CLDN15: variants seen among roughly 807,000 people sequenced by gnomAD.
CLDN15 encodes claudin 15.
In CLDN15, 9 loss-of-function variants were observed where a neutral mutation model predicts 24.5. The ratio of observed to expected loss-of-function variants is 0.37; its 90% CI spans 0.22 to 0.64. The LOEUF (loss-of-function observed/expected upper bound fraction) is 0.64. CLDN15 is among the 30% of genes least tolerant of loss of function. CLDN15 has a pLI of 0.63. For missense variants in CLDN15, 248 were observed against 305.9 expected (o/e 0.81, Z 1.41); for synonymous variants, 149 against 131.4 (o/e 1.13, Z -0.92).
At chr7:101,236,611 G>T in intron 1 of CLDN15, 2 of 561,696 alleles carry the variant, frequency 3.6e-6, no homozygotes, top group Non-Finnish European at 5.6e-6. Context: ...AGAAACAATG[G>T]GGCGGCCTCA....
In CLDN15 at chr7:101,232,875, T is replaced by G; in HGVS notation, c.422A>C (p.Asn141Thr). 7.4e-6 allele frequency: 12 copies of G among 1,613,352 alleles called. No individual in the cohort carries two copies. The highest frequency in any genetic ancestry group is 1.0e-5 in the Non-Finnish European group (12 of 1,179,840). Residue 141 changes from asparagine to threonine, a missense_variant, in exon 3 of 5, where the codon AAC (asparagine) becomes ACC (threonine). Asn to Thr is a moderately conservative substitution (Grantham distance 65, BLOSUM62 0). Transcript: ENST00000308344. ...GGGGTCGAAGAAGTCCCGGGTGATG[T>G]TGAAGGCGTACCAGGAGATGGCCAC... The part of the protein sequence containing the change: ...GMVAISWYAF[N>T]ITRDFFDPLY...
chr7:101,234,359 G>A lies in CLDN15; in HGVS notation c.301C>T (p.Arg101Cys), dbSNP rs1327154370. 3.1e-6 allele frequency: 5 copies of A among 1,612,080 alleles called. No homozygotes were observed. The highest frequency in any genetic ancestry group is 1.3e-5 in the African/African-American group (1 of 74,956). The change falls in exon 2 of 5, where the codon CGC (arginine) becomes TGC (cysteine). Residue 101 changes from arginine (R) to cysteine (C), a missense_variant. By Grantham distance (180) the Arg-to-Cys change is radical. Transcript: ENST00000308344. ...LGLLLGIAGL[R>C]CTNIGGLELS... The stretch of plus-strand genomic sequence containing the variant: ...TCCAGGCCCCCAATGTTGGTGCAGC[G>A]CAGGCCCGCTATGCCTAGCAAGAGG...
chr7:101,232,800 C>T (rs1316752472), intron 3 of CLDN15, 33 bp downstream of exon 3: 77 of 1,588,470 alleles, frequency 4.8e-5, no homozygotes, highest in Non-Finnish European at 6.3e-5. Flanking sequence ...CCCGCTGCCC[C>T]GAGGGCGGGG....
chr7:101,233,392 C>A (rs1235058929), intron 2 of CLDN15, among the ~76,000 whole-genome samples: 1 of 152,188 alleles, frequency 6.6e-6, no homozygotes, highest in Non-Finnish European at 1.5e-5. Flanking sequence ...CTCTTGCAAG[C>A]CACCTGACCT....
rs568002600 is a variant in CLDN15, at chr7:101,232,731, G to A, written c.465-11C>T. On this transcript the variant is annotated splice_polypyrimidine_tract_variant and intron_variant, in intron 3 of 4. Transcript: ENST00000308344. ...GGGCCCAGCTCGTACCTGCGCACAA[G>A]GGCGGCGCGGGGGCGGGGGACAAGT... 2.4e-5 allele frequency: 38 copies of A among 1,588,834 alleles called. No homozygotes were observed. The East Asian group carries it at 5.4e-4, about 23-fold the overall frequency.
At chr7:101,235,472 GGTCA>G (rs1378121698) in intron 1 of CLDN15, among the ~76,000 whole-genome samples, 2 of 152,170 alleles carry the variant, frequency 1.3e-5, no homozygotes, top group African/African-American at 4.8e-5. Flanking sequence ...GACCGATCCA[GGTCA>G]GTCTAGCTCA....
chr7:101,234,174 G>C (rs1312493793), intron 2 of CLDN15, 104 bp downstream of exon 2: 3 of 934,720 alleles, frequency 3.2e-6, no homozygotes, highest in Non-Finnish European at 5.2e-6. Flanking sequence ...GGTAGGGGAG[G>C]TGAGCATGAG....
intron 1 of CLDN15, among the ~76,000 whole-genome samples, chr7:101,235,263 A>C (rs1340696967): frequency 6.6e-6 from 1 of 152,174 alleles, no homozygotes; most frequent in Non-Finnish European, 1.5e-5. Flanking sequence ...CAGAGGGCCT[A>C]GGGCAGTTTT....
In CLDN15 at chr7:101,237,577, G is replaced by A. The variant is rs1350459358; in HGVS notation, c.5C>T (p.Ser2Leu). The A allele has an allele frequency of 4.3e-6, 7 of 1,613,302 alleles. No individual in the cohort carries two copies. The highest frequency in any genetic ancestry group is 2.2e-5 in the East Asian group (1 of 44,886). The change falls in exon 1 of 5, where the codon TCG (serine) becomes TTG (leucine). Residue 2 changes from serine (S) to leucine (L), a missense_variant. Transcript: ENST00000308344. This position sits in a 1 kb window ranked among gnomAD's most constrained non-coding sequence, Gnocchi z 4.0. ...GAAGCCAAAGGTTTCCACAGCCATC[G>A]ACATGGTGGGATGCAGGACCCTGGG... The part of the protein sequence containing the change: M[S>L]MAVETFGFFM...
chr7:101,233,965 G>A (rs1202241717), intron 2 of CLDN15: 29 of 532,648 alleles, frequency 5.4e-5, no homozygotes, highest in Non-Finnish European at 8.2e-5. Context: ...GCGCCATAGC[G>A]TGCACCCTAA....
chr7:101,234,129 G>T, intron 2 of CLDN15, 149 bp downstream of exon 2: 1 of 783,878 alleles, frequency 1.3e-6, no homozygotes, highest in East Asian at 2.4e-5. Context: ...GGGGAGTACA[G>T]ATGAGGCAGG....
chr7:101,234,242 A>AG lies in CLDN15; in HGVS notation c.382+35dup, dbSNP rs764044818. ...CAAAGCAGCCTGAAGTCTGCGGTTG[A>AG]GGGGGACCCCCGCCCCATCACCTTC... On this transcript the variant is annotated intron_variant, in intron 2 of 4. Coordinates refer to ENST00000308344, the MANE Select transcript of CLDN15 (RefSeq NM_014343.3). 1.9e-6 allele frequency: 3 copies of AG among 1,542,248 alleles called. No individual in the cohort carries two copies. In the East Asian group the frequency reaches 6.7e-5, roughly 35 times the overall value.
At position 101,234,442 on chromosome 7, in the gene CLDN15, C is replaced by T; in HGVS notation, c.218G>A (p.Gly73Glu). The T allele has an allele frequency of 1.2e-6, 2 of 1,607,716 alleles. No individual in the cohort carries two copies. Among genetic ancestry groups the T allele is most frequent in the South Asian group, 1.1e-5 (1 of 90,970 alleles). ...GAGTGCCCGGCAGGCCTGAATATACCCTGGGGGTGGGCACAGTTGTCAGCC... is the reference window on the plus strand; with the variant it reads ...GAGTGCCCGGCAGGCCTGAATATACTCTGGGGGTGGGCACAGTTGTCAGCC... ...WEFPSMLALS[G>E]YIQACRALMI... is the part of the protein sequence containing the mutation. Residue 73 changes from glycine (G) to glutamate (E), a missense_variant and splice_region_variant, in exon 2 of 5, where the codon GGG becomes GAG. By Grantham distance (98) the Gly-to-Glu change is moderately conservative (BLOSUM62 -2). Coordinates refer to ENST00000308344, the MANE Select transcript of CLDN15 (RefSeq NM_014343.3).
rs774145838 is a variant in CLDN15 at position 101,232,681 on chromosome 7, G to A, written c.504C>T (p.Ala168=). The stretch of plus-strand genomic sequence containing the variant: ...GGCCACCCAGGATGGAGATCAGTGA[G>A]GCGCTCCACCCCAGGTAGAGGGCGG... ...LGPALYLGWS[A]SLISILGGLC... The change falls in exon 4 of 5, where the codon GCC becomes GCT. Residue 168 remains alanine (A), a synonymous_variant. Coordinates refer to ENST00000308344, the MANE Select transcript of CLDN15 (RefSeq NM_014343.3). 6.3e-7 allele frequency: 1 copy of A among 1,592,790 alleles called. No individual in the cohort carries two copies. The highest frequency in any genetic ancestry group is 1.3e-5 in the African/African-American group (1 of 74,740).
In CLDN15 at chr7:101,232,770, G is replaced by C. The variant is rs752598301; in HGVS notation, c.465-50C>G. 4.5e-5 allele frequency: 71 copies of C among 1,580,346 alleles called. No individual in the cohort carries two copies. The Middle Eastern group carries it at 8.5e-4, about 19-fold the overall frequency. Reference sequence around the variant, plus strand: ...CGGGGGACAAGTGAGACGCCAGCCGGGGGGCAGGGCTGAGTCCCACCCGCT... The same window carrying C: ...CGGGGGACAAGTGAGACGCCAGCCGCGGGGCAGGGCTGAGTCCCACCCGCT... On this transcript the variant is annotated intron_variant, in intron 3 of 4. Transcript: ENST00000308344.
Sources: gnomAD v4.1 joint callset for allele counts (sites outside exome capture counted in the v4.1 genomes callset) on GRCh38, gnomAD v4.1.1 for gene constraint, Gnocchi (gnomAD v3.1) non-coding constraint, MANE v1.5 for transcripts, NCBI Gene and HGNC (gene_info 2026-07-23, HGNC 2026-07-21) for gene names.